CCDC15: variants seen among roughly 807,000 people sequenced by gnomAD.
CCDC15 encodes coiled-coil domain containing 15.
Under a neutral mutation model 114.5 loss-of-function variants are expected in CCDC15, and 105 were observed. The ratio of observed to expected loss-of-function variants is 0.92; its 90% CI spans 0.78 to 1.08. The LOEUF is 1.08. Among genes scored for constraint, CCDC15 ranks in the 50% least tolerant of loss-of-function variants. The pLI is 0.00. For synonymous variants in CCDC15, 334 were observed against 377.8 expected (o/e 0.88, Z 1.34); for missense variants, 1,105 against 1,093.6 (o/e 1.01, Z -0.15).
At chr11:125,040,257 G>A (rs1308160244) in intron 15 of CCDC15, among the ~76,000 whole-genome samples, 6 of 147,892 alleles carry the variant, frequency 4.1e-5, no homozygotes, top group Admixed American at 1.3e-4. Context: ...GGCTGATCTC[G>A]AACTCCTGAC....
intron 13 of CCDC15, among the ~76,000 whole-genome samples, chr11:125,016,892 C>G (rs1395461838): frequency 1.3e-5 from 2 of 152,150 alleles, no homozygotes; most frequent in Non-Finnish European, 2.9e-5. Flanking sequence ...ACTGGATAAT[C>G]TTTTCCTTCT....
chr11:124,979,716 G>A (rs1243706393), intron 6 of CCDC15, among the ~76,000 whole-genome samples: 1 of 152,034 alleles, frequency 6.6e-6, no homozygotes, highest in Non-Finnish European at 1.5e-5. Context: ...CTGCAAATAG[G>A]GATAGTTTGA....
rs1948301965 is a variant in CCDC15 at position 124,993,247 on chromosome 11, T to C, written c.2214+4T>C. 6.4e-7 allele frequency: 1 copy of C among 1,552,856 alleles called. No individual in the cohort carries two copies. Among genetic ancestry groups the C allele is most frequent in the Admixed American group, 1.7e-5 (1 of 58,876 alleles). ...AAATACTCCTGGAGTGCCCTTGGTA[T>C]GTTTCACACAATATTCAAGATCTAG... On this transcript the variant is annotated splice_donor_region_variant and intron_variant, in intron 11 of 15. Coordinates refer to ENST00000344762, the MANE Select transcript of CCDC15 (RefSeq NM_025004.3).
At chr11:124,992,476 TG>T in intron 9 of CCDC15, 103 bp from the exon 10 acceptor site, 1 of 669,060 alleles carries the variant, frequency 1.5e-6, no homozygotes, top group Non-Finnish European at 2.6e-6. Context: ...TATTTTTACC[TG>T]GTTTCATTTC....
intron 11 of CCDC15, among the ~76,000 whole-genome samples, chr11:124,994,195 A>C (rs1948321484): frequency 6.6e-6 from 1 of 152,150 alleles, no homozygotes; most frequent in Non-Finnish European, 1.5e-5. Flanking sequence ...CAGCTGAAAG[A>C]CGGCCACAGG....
At chr11:124,987,080 T>G in intron 7 of CCDC15, 47 bp from the exon 8 acceptor site, 1 of 1,438,444 alleles carries the variant, frequency 7.0e-7, no homozygotes, top group Non-Finnish European at 9.2e-7. Flanking sequence ...ATCTAGAGTA[T>G]TGCTACTAAC....
rs913347962 is a variant in CCDC15, at chr11:125,025,329, A to C, written c.2412-13102A>C. ...TGCTAAACTTTTGTGTAGAATTTTT[A>C]TGTCTATGTTCTGAGAGATACTGGC... is the stretch of plus-strand genomic sequence containing the variant. On this transcript the variant is annotated intron_variant, in intron 13 of 15. Coordinates refer to ENST00000344762, the MANE Select transcript of CCDC15 (RefSeq NM_025004.3). 7.9e-5 allele frequency among the ~76,000 whole-genome samples: 12 copies of C among 151,210 alleles called. No individual in the cohort carries two copies. In the Admixed American group the frequency reaches 7.9e-4, roughly 10 times the overall value.
rs768500514 is a variant in CCDC15 at position 124,986,706 on chromosome 11, CGCGCGCGT to C, written c.754-30_754-23del. Reference sequence around the variant, plus strand: ...GTGTGTGTGTTTGTGTGTGTGCGCGCGCGCGCGTGCGCGTTTTCATTGTTTTTTTCTTT... The same window carrying C: ...GTGTGTGTGTTTGTGTGTGTGCGCGCGCGCGTTTTCATTGTTTTTTTCTTT... On this transcript the variant is annotated intron_variant, in intron 6 of 15. Transcript: ENST00000344762. 1,083 of 1,386,114 alleles carry C rather than the reference CGCGCGCGT, an allele frequency of 7.8e-4. 14 individuals are homozygous for C. The highest frequency in any genetic ancestry group is 8.6e-4 in the Non-Finnish European group (894 of 1,042,736). The allele number at this position is 1,386,114 out of a possible 1,614,324, so 85.9% of individuals were successfully genotyped here.
intron 11 of CCDC15, among the ~76,000 whole-genome samples, chr11:124,999,737 T>C (rs995437997): frequency 2.6e-5 from 4 of 152,078 alleles, no homozygotes; most frequent in African/African-American, 4.8e-5. Context: ...GTTTTGTCTG[T>C]TAATTCAACA....
chr11:125,011,380 G>A (rs1307221008), intron 13 of CCDC15, among the ~76,000 whole-genome samples: 1 of 151,910 alleles, frequency 6.6e-6, no homozygotes, highest in African/African-American at 2.4e-5. Flanking sequence ...TGGGACCACA[G>A]GCGTATGCCA....
In CCDC15 at chr11:125,011,038, T is replaced by C. The variant is rs551323468; in HGVS notation, c.2411+5826T>C. 3.9e-5 allele frequency among the ~76,000 whole-genome samples: 6 copies of C among 152,222 alleles called. No homozygotes were observed. The South Asian group carries it at 1.2e-3, about 32-fold the overall frequency. ...TAACCAGTTATCCCAGCACCATTTA[T>C]TGAATAAGGAGTCCTTTCCCTAATG... On this transcript the variant is annotated intron_variant, in intron 13 of 15. Transcript: ENST00000344762.
chr11:125,015,420 C>T (rs966237528), intron 13 of CCDC15, among the ~76,000 whole-genome samples: 4 of 152,098 alleles, frequency 2.6e-5, no homozygotes, highest in African/African-American at 7.2e-5. Flanking sequence ...ACAGAGCCTA[C>T]AGACATTAAA....
At chr11:124,956,539 G>T (rs1166700373) in intron 2 of CCDC15, among the ~76,000 whole-genome samples, 1 of 152,106 alleles carries the variant, frequency 6.6e-6, no homozygotes, top group Non-Finnish European at 1.5e-5. Flanking sequence ...TATTTAAGTT[G>T]TTGACACCTC....
intron 6 of CCDC15, among the ~76,000 whole-genome samples, chr11:124,983,588 T>TG (rs1948108752): frequency 6.6e-6 from 1 of 152,140 alleles, no homozygotes; most frequent in Non-Finnish European, 1.5e-5. Flanking sequence ...GCTCCAAATC[T>TG]GGGGGGCTGG....
At chr11:125,001,245 C>T (rs916645252) in intron 11 of CCDC15, among the ~76,000 whole-genome samples, 3 of 152,174 alleles carry the variant, frequency 2.0e-5, no homozygotes, top group African/African-American at 7.2e-5. Flanking sequence ...CCTTGGTCAG[C>T]CTCAGTTGGC....
intron 13 of CCDC15, among the ~76,000 whole-genome samples, chr11:125,025,029 TATATGAATAC>T (rs575035757): frequency 1.1e-5 from 1 of 90,272 alleles, no homozygotes; most frequent in African/African-American, 3.4e-5. Context: ...TATGAATATA[TATATGAATAC>T]ATATGAATAT....
intron 2 of CCDC15, among the ~76,000 whole-genome samples, chr11:124,956,411 A>G (rs895268627): frequency 2.6e-5 from 4 of 152,054 alleles, no homozygotes; most frequent in Non-Finnish European, 5.9e-5. Context: ...ACTGCACTCT[A>G]GCCTGGGCAA....
At position 124,956,988 on chromosome 11, in the gene CCDC15, C is replaced by G. The variant is rs12419986; in HGVS notation, c.177+2079C>G. Among the ~76,000 whole-genome samples the G allele has an allele frequency of 4.1e-3, 627 of 152,286 alleles. 1 individual carries two copies. Among genetic ancestry groups the G allele is most frequent in the Admixed American group, 0.013 (204 of 15,302 alleles). Reference sequence around the variant, plus strand: ...TGTCATAGCTTTAGACTACCTCCCCCCAATAATTATTAATAAATTAGCATC... The same window carrying G: ...TGTCATAGCTTTAGACTACCTCCCCGCAATAATTATTAATAAATTAGCATC... On this transcript the variant is annotated intron_variant, in intron 2 of 15. Transcript: ENST00000344762.
chr11:125,013,912 G>A (rs751777889), intron 13 of CCDC15, among the ~76,000 whole-genome samples: 39 of 152,162 alleles, frequency 2.6e-4, no homozygotes, highest in Admixed American at 2.1e-3. Context: ...CAGAGCTTTT[G>A]GTGGTCTGAA....
Sources: allele counts gnomAD v4.1 joint callset (sites outside exome capture counted in the v4.1 genomes callset), GRCh38; gene constraint gnomAD v4.1.1; transcripts MANE v1.5; gene names NCBI Gene and HGNC (gene_info 2026-07-23, HGNC 2026-07-21).